Variants in RIT2 observed in about 807,000 individuals in gnomAD.
RIT2 encodes GTP-binding protein Rit2.
In RIT2, 24 loss-of-function variants were observed where a neutral mutation model predicts 23.7. The observed-to-expected ratio is 1.01, with a 90% confidence interval of 0.73 to 1.43. The LOEUF (loss-of-function observed/expected upper bound fraction) is 1.43. Ranked by LOEUF, RIT2 falls within the 40% of genes most tolerant of loss-of-function variation. The pLI, the probability that RIT2 is intolerant of heterozygous loss-of-function variation, is 0.00. For synonymous variants in RIT2, 107 were observed against 91.1 expected, an observed-to-expected ratio of 1.17 and a Z score of -0.99; for missense variants, 236 against 266.9, an observed-to-expected ratio of 0.88 and a Z score of 0.81.
chr18:42,774,661 A>G (rs1246218329), intron 4 of RIT2, among the ~76,000 whole-genome samples: 2 of 151,728 alleles, frequency 1.3e-5, no homozygotes, highest in Non-Finnish European at 2.9e-5. Flanking sequence ...ATAATTTGAC[A>G]CCATGGAGAG....
intron 2 of RIT2, among the ~76,000 whole-genome samples, chr18:42,999,426 G>A (rs1230955733): frequency 6.6e-6 from 1 of 152,056 alleles, no homozygotes; most frequent in Non-Finnish European, 1.5e-5. Flanking sequence ...GAAAAGTGAA[G>A]TCCCTGCCTA....
intron 4 of RIT2, among the ~76,000 whole-genome samples, chr18:42,806,010 C>T (rs1230711444): frequency 1.3e-5 from 2 of 151,254 alleles, no homozygotes. Flanking sequence ...GTACTTTGCA[C>T]TTCATGTCAC....
chr18:42,969,509 C>G (rs987539373), intron 3 of RIT2, among the ~76,000 whole-genome samples: 1 of 151,906 alleles, frequency 6.6e-6, no homozygotes, highest in African/African-American at 2.4e-5. Flanking sequence ...TAAACTAGGT[C>G]GAGATTGGCT....
At chr18:42,770,802 TAAAG>T (rs1913534014) in intron 4 of RIT2, among the ~76,000 whole-genome samples, 2 of 141,912 alleles carry the variant, frequency 1.4e-5, no homozygotes, top group Non-Finnish European at 3.1e-5. Flanking sequence ...AAAAAAAGAA[TAAAG>T]AAAGAAAGGA....
chr18:42,763,369 G>A (rs1913347182), intron 4 of RIT2, among the ~76,000 whole-genome samples: 1 of 152,022 alleles, frequency 6.6e-6, no homozygotes, highest in Non-Finnish European at 1.5e-5. Context: ...GGCTGAGGCA[G>A]GAGAATGGCT....
chr18:43,058,715 T>C (rs1912568582), intron 1 of RIT2, among the ~76,000 whole-genome samples: 1 of 151,968 alleles, frequency 6.6e-6, no homozygotes, highest in Admixed American at 6.6e-5. Flanking sequence ...GGCAAAACCC[T>C]GTCTCTACAA....
At chr18:42,868,207 T>G (rs546078259) in intron 4 of RIT2, among the ~76,000 whole-genome samples, 10 of 152,352 alleles carry the variant, frequency 6.6e-5, no homozygotes, top group African/African-American at 2.2e-4. Flanking sequence ...ATCACTTTCC[T>G]GTGAATTCAT....
At chr18:42,905,561 C>T (rs1016957915) in intron 4 of RIT2, among the ~76,000 whole-genome samples, 1 of 152,142 alleles carries the variant, frequency 6.6e-6, no homozygotes, top group African/African-American at 2.4e-5. Context: ...CAACCTCTGC[C>T]TCGCAGGTTC....
intron 4 of RIT2, among the ~76,000 whole-genome samples, chr18:42,774,778 G>T (rs1913629479): frequency 6.6e-6 from 1 of 151,930 alleles, no homozygotes; most frequent in Non-Finnish European, 1.5e-5. Flanking sequence ...TTTCCCAAAA[G>T]TAAAACATTT....
At chr18:42,797,406 A>G (rs1408679398) in intron 4 of RIT2, among the ~76,000 whole-genome samples, 2 of 152,160 alleles carry the variant, frequency 1.3e-5, no homozygotes, top group Non-Finnish European at 2.9e-5. Flanking sequence ...CCAAAATTTT[A>G]TCTCTTTCTA....
chr18:42,958,481 A>G (rs1456120246), intron 3 of RIT2, among the ~76,000 whole-genome samples: 1 of 152,152 alleles, frequency 6.6e-6, no homozygotes, highest in Admixed American at 6.5e-5. Flanking sequence ...ATATGATAAT[A>G]CACTTCATAC....
chr18:42,936,063 G>T (rs1909450848), intron 3 of RIT2, among the ~76,000 whole-genome samples: 1 of 151,608 alleles, frequency 6.6e-6, no homozygotes, highest in Non-Finnish European at 1.5e-5. Context: ...CTGGGGCTTA[G>T]AGAGATAGGG....
At chr18:42,914,554 C>G (rs1568029060) in intron 4 of RIT2, among the ~76,000 whole-genome samples, 2 of 151,922 alleles carry the variant, frequency 1.3e-5, no homozygotes, top group Admixed American at 1.3e-4. Flanking sequence ...TAACTCATTT[C>G]ATTTATATAA....
intron 1 of RIT2, among the ~76,000 whole-genome samples, chr18:43,069,318 C>T (rs760844458): frequency 1.3e-5 from 2 of 152,030 alleles, no homozygotes; most frequent in African/African-American, 4.8e-5. Flanking sequence ...TCTTTCACCA[C>T]TTTATTTTCT....
intron 4 of RIT2, among the ~76,000 whole-genome samples, chr18:42,897,412 G>A (rs1908357964): frequency 6.6e-6 from 1 of 152,158 alleles, no homozygotes; most frequent in Non-Finnish European, 1.5e-5. Context: ...AAACAAAATA[G>A]ATGAGAATGC....
intron 1 of RIT2, among the ~76,000 whole-genome samples, chr18:43,069,001 T>C: frequency 6.6e-6 from 1 of 152,244 alleles, no homozygotes; most frequent in African/African-American, 2.4e-5. Context: ...TCTAGACGTT[T>C]CCGGTTAAGG....
intron 3 of RIT2, among the ~76,000 whole-genome samples, chr18:42,948,355 T>C (rs1028174381): frequency 6.6e-6 from 1 of 152,008 alleles, no homozygotes; most frequent in African/African-American, 2.4e-5. Flanking sequence ...TGATCTCTGA[T>C]ATTTGGTCTT....
At chr18:42,984,606 T>A (rs984931941) in intron 2 of RIT2, among the ~76,000 whole-genome samples, 1 of 152,136 alleles carries the variant, frequency 6.6e-6, no homozygotes, top group African/African-American at 2.4e-5. Context: ...TCATTTATTA[T>A]ACTTTTTTGG....
At chr18:43,058,228 G>A (rs1399489594) in intron 1 of RIT2, among the ~76,000 whole-genome samples, 2 of 152,000 alleles carry the variant, frequency 1.3e-5, no homozygotes, top group African/African-American at 2.4e-5. Flanking sequence ...CAAATCACTC[G>A]AATGTATAGT....
Sources: gnomAD v4.1 joint callset for allele counts (sites outside exome capture counted in the v4.1 genomes callset) on GRCh38, gnomAD v4.1.1 for gene constraint, MANE v1.5 for transcripts, NCBI Gene and HGNC (gene_info 2026-07-23, HGNC 2026-07-21) for gene names.